The following INSC variants were observed in gnomAD, a reference collection of about 807,000 sequenced individuals.
INSC encodes protein inscuteable homolog.
In INSC, 67 loss-of-function variants were observed where a neutral mutation model predicts 58.6. The observed-to-expected ratio is 1.14, with a 90% CI of 0.94 to 1.40. The LOEUF is 1.40. Among genes scored for constraint, INSC ranks in the 40% most tolerant of loss-of-function variants. INSC has a pLI of 0.00. For missense variants in INSC, 714 were observed against 692.0 expected, an observed-to-expected ratio of 1.03 and a Z score of -0.36; for synonymous variants, 262 against 276.1, an observed-to-expected ratio of 0.95 and a Z score of 0.51.
intron 7 of INSC, among the ~76,000 whole-genome samples, chr11:15,203,068 T>G (rs1287510470): frequency 1.3e-5 from 2 of 152,226 alleles, no homozygotes; most frequent in East Asian, 1.9e-4. Flanking sequence ...TGAGCACTAT[T>G]AGTATCTCCA....
the INSC span, among the ~76,000 whole-genome samples, chr11:15,257,937 A>G: frequency 2.6e-5 from 4 of 152,162 alleles, no homozygotes; most frequent in African/African-American, 4.8e-5. Flanking sequence ...ACCCCAGGAA[A>G]CTAAAACACA....
intron 2 of INSC, among the ~76,000 whole-genome samples, chr11:15,165,874 T>C (rs1445851184): frequency 1.3e-5 from 2 of 149,136 alleles, no homozygotes; most frequent in Non-Finnish European, 1.5e-5. Flanking sequence ...TTTTGGGGGG[T>C]GGTGGGGGAA....
intron 1 of INSC, among the ~76,000 whole-genome samples, chr11:15,123,764 C>G (rs1354704716): frequency 1.3e-5 from 2 of 152,172 alleles, no homozygotes; most frequent in African/African-American, 2.4e-5. Context: ...GTAGACCATA[C>G]AGGAGATAGA....
the INSC span, among the ~76,000 whole-genome samples, chr11:15,253,390 A>G: frequency 6.6e-6 from 1 of 152,144 alleles, no homozygotes; most frequent in Non-Finnish European, 1.5e-5. Context: ...CCGACGTAAG[A>G]TCCTTCATGA....
At chr11:15,216,171 G>A (rs1851211954) in intron 7 of INSC, among the ~76,000 whole-genome samples, 1 of 152,106 alleles carries the variant, frequency 6.6e-6, no homozygotes, top group Non-Finnish European at 1.5e-5. Flanking sequence ...CAAAGGAGGA[G>A]AGGCCAACAG....
At chr11:15,113,885 C>T (rs964618956), upstream of INSC, among the ~76,000 whole-genome samples, 3 of 152,038 alleles carry the variant, frequency 2.0e-5, no homozygotes, top group Admixed American at 6.6e-5. Context: ...TCGGCGTGGT[C>T]GTTTTGTCAT....
chr11:15,139,095 A>G (rs1047250187), intron 1 of INSC, among the ~76,000 whole-genome samples: 4 of 152,308 alleles, frequency 2.6e-5, no homozygotes, highest in Non-Finnish European at 5.9e-5. Flanking sequence ...TCTTTCTCCT[A>G]TGTCATTTTC....
chr11:15,236,924 CA>C (rs1852154999), intron 10 of INSC, among the ~76,000 whole-genome samples: 1 of 152,158 alleles, frequency 6.6e-6, no homozygotes. Flanking sequence ...TTTGCTGAGC[CA>C]GCTGAGGCCA....
chr11:15,229,957 T>TAAA (rs1564916829), intron 9 of INSC, among the ~76,000 whole-genome samples: 5 of 7,184 alleles, frequency 7.0e-4, no homozygotes, highest in African/African-American at 3.4e-3. Flanking sequence ...ATTATATATA[T>TAAA]ATTTATATAT....
At chr11:15,248,500 A>G (rs1218348237), downstream of INSC, among the ~76,000 whole-genome samples, 1 of 152,198 alleles carries the variant, frequency 6.6e-6, no homozygotes, top group African/African-American at 2.4e-5. Flanking sequence ...CTACTTTGAG[A>G]ATCACTGATC....
At chr11:15,229,920 A>AAATG (rs1851782112) in intron 9 of INSC, among the ~76,000 whole-genome samples, 1 of 103,230 alleles carries the variant, frequency 9.7e-6, no homozygotes. Context: ...ATATATATAA[A>AAATG]TTTTTTATAT....
chr11:15,122,092 G>A (rs530156287), intron 1 of INSC, among the ~76,000 whole-genome samples: 7 of 152,272 alleles, frequency 4.6e-5, no homozygotes, highest in East Asian at 1.9e-4. Flanking sequence ...GTGTGTCATC[G>A]TTTATATGCT....
intron 6 of INSC, among the ~76,000 whole-genome samples, chr11:15,192,639 G>C (rs1050495591): frequency 2.2e-4 from 33 of 152,188 alleles, no homozygotes; most frequent in African/African-American, 8.0e-4. Flanking sequence ...CTGAGAGTTG[G>C]GAGGGAACTG....
At chr11:15,158,060 C>A (rs181658171) in intron 2 of INSC, among the ~76,000 whole-genome samples, 2 of 152,280 alleles carry the variant, frequency 1.3e-5, no homozygotes, top group Middle Eastern at 3.4e-3. Flanking sequence ...CTGTCCCTCC[C>A]AGATCTTCCT....
At chr11:15,113,628 A>G (rs1847626214), upstream of INSC, among the ~76,000 whole-genome samples, 1 of 152,202 alleles carries the variant, frequency 6.6e-6, no homozygotes, top group East Asian at 1.9e-4. Flanking sequence ...GGCCCCTCTC[A>G]GGGAACTTGG....
rs1052387280 is a variant in INSC, at chr11:15,226,812, A to G, written c.1170+984A>G. Among the ~76,000 whole-genome samples, 6 of 2,958 alleles carry G rather than the reference A, an allele frequency of 2.0e-3. No homozygotes were observed. In the Non-Finnish European group the frequency reaches 0.037, roughly 18 times the overall value. 1.9% of individuals were successfully genotyped at this position (2,958 alleles called of 152,430 possible). A position where few individuals can be genotyped will look rare whatever the true frequency, so the allele number is the denominator to read the frequency against. Reference sequence around the variant, plus strand: ...TCACAATGCAGTGTTGACTTATCTAATGAGGTTATTCCTCTTAATTATTTC... The same window carrying G: ...TCACAATGCAGTGTTGACTTATCTAGTGAGGTTATTCCTCTTAATTATTTC... On this transcript the variant is annotated intron_variant, in intron 9 of 12. Transcript: ENST00000379556.
chr11:15,204,348 C>G (rs1850713625), intron 7 of INSC, among the ~76,000 whole-genome samples: 1 of 152,242 alleles, frequency 6.6e-6, no homozygotes, highest in Non-Finnish European at 1.5e-5. Flanking sequence ...GGGCTGTTAA[C>G]AATTGTGCAG....
intron 2 of INSC, among the ~76,000 whole-genome samples, 158 bp from the exon 3 acceptor site, chr11:15,175,583 A>G (rs1463826921): frequency 2.6e-5 from 4 of 152,238 alleles, no homozygotes; most frequent in Non-Finnish European, 5.9e-5. Context: ...CATAAGATGA[A>G]GAGAATGAGA....
upstream of INSC, chr11:15,112,410 A>T: frequency 7.2e-7 from 1 of 1,396,898 alleles, no homozygotes; most frequent in Non-Finnish European, 9.8e-7. Context: ...AAAGGGAAAG[A>T]AGCTGTTCAC....
Sources: gnomAD v4.1 joint callset for allele counts (sites outside exome capture counted in the v4.1 genomes callset) on GRCh38, gnomAD v4.1.1 for gene constraint, MANE v1.5 for transcripts, NCBI Gene and HGNC (gene_info 2026-07-23, HGNC 2026-07-21) for gene names.